Variants in TOX2 observed in about 807,000 individuals in gnomAD.
TOX2 encodes the protein granulosa cell HMG box 1.
Under a neutral mutation model 47.4 loss-of-function variants are expected in TOX2, and 15 were observed. The observed-to-expected ratio is 0.32, with a 90% CI of 0.21 to 0.49. The LOEUF is 0.49. TOX2 is among the 20% of genes least tolerant of loss of function. TOX2 has a pLI of 0.99. For missense variants in TOX2, 622 were observed against 673.1 expected (o/e 0.92, Z 0.84); for synonymous variants, 290 against 296.6 (o/e 0.98, Z 0.23).
At chr20:44,064,393 T>C (rs2071773022) in intron 5 of TOX2, among the ~76,000 whole-genome samples, 1 of 152,194 alleles carries the variant, frequency 6.6e-6, no homozygotes, top group Non-Finnish European at 1.5e-5. Context: ...CAAACTAACA[T>C]ACTATGAACA....
At chr20:44,020,287 T>G (rs1311736415) in intron 3 of TOX2, among the ~76,000 whole-genome samples, 3 of 152,082 alleles carry the variant, frequency 2.0e-5, no homozygotes, top group Admixed American at 6.5e-5. Context: ...AGCTCCTGCA[T>G]AACTTCCTAC....
chr20:43,965,130 A>G (rs1464096964), intron 1 of TOX2, among the ~76,000 whole-genome samples: 1 of 152,184 alleles, frequency 6.6e-6, no homozygotes, highest in Admixed American at 6.5e-5. Context: ...TTGGGGAAGC[A>G]TGGGGTCCTG....
At chr20:44,064,939 AG>A in intron 6 of TOX2, 82 bp downstream of exon 6, 4 of 1,324,976 alleles carry the variant, frequency 3.0e-6, no homozygotes, top group Non-Finnish European at 4.3e-6. Flanking sequence ...GCCCGTGGGA[AG>A]GGCCGGCACC....
At chr20:43,928,889 C>T (rs937379897) in intron 1 of TOX2, among the ~76,000 whole-genome samples, 2 of 149,280 alleles carry the variant, frequency 1.3e-5, no homozygotes, top group African/African-American at 5.0e-5. Context: ...AATCCCAGCA[C>T]TTTGGGAGGC....
intron 1 of TOX2, among the ~76,000 whole-genome samples, chr20:43,934,798 T>TTGTGTGTTTGTGTGTG (rs1555830265): frequency 2.7e-5 from 4 of 147,748 alleles, no homozygotes; most frequent in Non-Finnish European, 6.0e-5. Context: ...GTGTGTGTGT[T>TTGTGTGTTTGTGTGTG]TGTGTGTGTG....
At chr20:43,984,209 T>C (rs2070222804) in intron 2 of TOX2, among the ~76,000 whole-genome samples, 1 of 152,206 alleles carries the variant, frequency 6.6e-6, no homozygotes, top group African/African-American at 2.4e-5. Flanking sequence ...ACTTTAAAAA[T>C]AATTATGGTT....
intron 1 of TOX2, among the ~76,000 whole-genome samples, chr20:43,923,768 G>A (rs770173291): frequency 2.6e-5 from 4 of 152,182 alleles, no homozygotes; most frequent in South Asian, 2.1e-4. Context: ...AGAGTTGCTC[G>A]TGGAAGGTTT....
intron 3 of TOX2, among the ~76,000 whole-genome samples, chr20:44,042,656 C>G (rs2071350676): frequency 6.6e-6 from 1 of 152,170 alleles, no homozygotes. Flanking sequence ...CTGTTACCCA[C>G]ATTAAAAACA....
chr20:44,040,993 A>G (rs2071323142), intron 3 of TOX2, among the ~76,000 whole-genome samples: 1 of 152,184 alleles, frequency 6.6e-6, no homozygotes, highest in East Asian at 1.9e-4. Flanking sequence ...GCTGTCTAGA[A>G]GCAGAGCCTG....
chr20:43,940,836 T>A (rs1307419459), intron 1 of TOX2, among the ~76,000 whole-genome samples: 1 of 152,214 alleles, frequency 6.6e-6, no homozygotes, highest in African/African-American at 2.4e-5. Flanking sequence ...CTTTAGTCAC[T>A]TCCCTTGCGT....
At chr20:43,955,243 G>A (rs530348792) in intron 1 of TOX2, 2 of 985,462 alleles carry the variant, frequency 2.0e-6, no homozygotes, top group East Asian at 2.3e-4. Context: ...AACTGCACGA[G>A]TTCTGGCTGA....
intron 1 of TOX2, among the ~76,000 whole-genome samples, chr20:43,920,898 A>G (rs1471051644): frequency 6.6e-6 from 1 of 152,222 alleles, no homozygotes; most frequent in South Asian, 2.1e-4. Context: ...GCTATCCTTC[A>G]GAGGACAGGA....
intron 1 of TOX2, among the ~76,000 whole-genome samples, chr20:43,954,930 C>T (rs1319783376): frequency 6.6e-6 from 1 of 152,226 alleles, no homozygotes; most frequent in Non-Finnish European, 1.5e-5. Context: ...GGACAGCCTT[C>T]TAGCACGTGA....
At chr20:44,035,040 T>C (rs145625229) in intron 3 of TOX2, among the ~76,000 whole-genome samples, 2 of 152,290 alleles carry the variant, frequency 1.3e-5, no homozygotes, top group Middle Eastern at 3.4e-3. Flanking sequence ...TTCCACTCAA[T>C]CACCTGTCAA....
intron 5 of TOX2, among the ~76,000 whole-genome samples, chr20:44,057,860 G>A (rs1426298220): frequency 6.6e-6 from 1 of 150,706 alleles, no homozygotes; most frequent in East Asian, 1.9e-4. Flanking sequence ...CTCTGCTTCT[G>A]GGAGTTGGAT....
At chr20:43,929,159 AAAACAAAC>A (rs368652271) in intron 1 of TOX2, among the ~76,000 whole-genome samples, 81 of 152,142 alleles carry the variant, frequency 5.3e-4, no homozygotes, top group Middle Eastern at 3.4e-3. Flanking sequence ...CCCTGTCTCA[AAAACAAAC>A]AAACAAACAA....
At chr20:43,996,663 G>C (rs551719933) in intron 2 of TOX2, among the ~76,000 whole-genome samples, 5 of 151,926 alleles carry the variant, frequency 3.3e-5, no homozygotes, top group African/African-American at 4.8e-5. Flanking sequence ...TTGGGTGTGT[G>C]TGTGTGGGAT....
intron 8 of TOX2, among the ~76,000 whole-genome samples, chr20:44,067,741 C>A (rs2071854775): frequency 6.6e-6 from 1 of 152,160 alleles, no homozygotes; most frequent in South Asian, 2.1e-4. Flanking sequence ...CTTTCAACAA[C>A]CGCAGCCAGC....
chr20:44,020,886 T>C (rs1310345022), intron 3 of TOX2, among the ~76,000 whole-genome samples: 1 of 152,152 alleles, frequency 6.6e-6, no homozygotes, highest in Non-Finnish European at 1.5e-5. Flanking sequence ...TGCAGACTTT[T>C]TCCCCCCAGA....
Sources: allele counts gnomAD v4.1 joint callset (sites outside exome capture counted in the v4.1 genomes callset), GRCh38; gene constraint gnomAD v4.1.1; transcripts MANE v1.5; gene names NCBI Gene and HGNC (gene_info 2026-07-23, HGNC 2026-07-21).